Variants in DHX8 observed in about 807,000 individuals in gnomAD.
The protein encoded by DHX8 is ATP-dependent RNA helicase DHX8.
In DHX8, 67 loss-of-function variants were observed where a neutral mutation model predicts 140.7. The ratio of observed to expected loss-of-function variants is 0.48; its 90% CI spans 0.39 to 0.58. DHX8 has a LOEUF of 0.58. DHX8 is among the 20% of genes least tolerant of loss of function. DHX8 has a pLI of 0.00. For missense variants in DHX8, 887 were observed against 1,550.7 expected (o/e 0.57, Z 7.19); for synonymous variants, 533 against 553.2 (o/e 0.96, Z 0.51).
intron 22 of DHX8, 126 bp from the exon 23 acceptor site, chr17:43,523,502 A>G (rs1970490320): frequency 6.9e-7 from 1 of 1,444,984 alleles, no homozygotes; most frequent in Non-Finnish European, 9.3e-7. Flanking sequence ...CTGCAGTCTT[A>G]TAGGTGTCAG....
At chr17:43,511,117 G>T (rs1209508526) in intron 16 of DHX8, among the ~76,000 whole-genome samples, 1 of 152,118 alleles carries the variant, frequency 6.6e-6, no homozygotes, top group Non-Finnish European at 1.5e-5. Flanking sequence ...ATCACCTGAG[G>T]TCAGGAGTTC....
At chr17:43,537,103 C>T (rs888507927) in intron 3 of DHX8, among the ~76,000 whole-genome samples, 2 of 152,186 alleles carry the variant, frequency 1.3e-5, no homozygotes, top group Non-Finnish European at 2.9e-5. Flanking sequence ...TGGTGGCTCA[C>T]GCCTATAATC....
chr17:43,533,216 G>A (rs1317607842), intron 2 of DHX8: 2 of 1,613,336 alleles, frequency 1.2e-6, no homozygotes, highest in Non-Finnish European at 1.7e-6. Context: ...CATGGCCAGG[G>A]TGGGGCTGGG....
Position 43,513,405 on chromosome 17 carries a change from A to G in DHX8, c.2546A>G (p.Asp849Gly). The G allele has an allele frequency of 1.2e-6, 2 of 1,613,970 alleles. No individual in the cohort carries two copies. The highest frequency in any genetic ancestry group is 2.2e-5 in the South Asian group (2 of 91,046). The change falls in exon 17 of 23, where the codon GAT becomes GGT. Residue 849 changes from aspartate to glycine, a missense_variant. Around this residue, in one of 9 missense-constraint regions of DHX8, gnomAD observed 151 missense variants for 388.3 expected, o/e 0.39. Transcript: ENST00000262415. ...TNIAETSLTI[D>G]GIYYVVDPGF... is the part of the protein sequence containing the mutation. Reference sequence around the variant, plus strand: ...ATCGCAGAGACATCGCTGACTATTGATGGTATCTACTATGTGGTGGACCCA... The same window carrying G: ...ATCGCAGAGACATCGCTGACTATTGGTGGTATCTACTATGTGGTGGACCCA...
chr17:43,487,464 T>C (rs555244976), intron 1 of DHX8, among the ~76,000 whole-genome samples: 1 of 152,162 alleles, frequency 6.6e-6, no homozygotes, highest in South Asian at 2.1e-4. Context: ...AGGCTTATTA[T>C]CTCAGTCTAC....
intron 8 of DHX8, among the ~76,000 whole-genome samples, chr17:43,495,474 G>A (rs969768284): frequency 6.6e-6 from 1 of 152,018 alleles, no homozygotes; most frequent in Non-Finnish European, 1.5e-5. Flanking sequence ...AGACAGTCTT[G>A]CCGTGTTACC....
At chr17:43,533,020 G>C (rs1050036172) in intron 2 of DHX8, 184 of 1,516,072 alleles carry the variant, frequency 1.2e-4, no homozygotes, top group Non-Finnish European at 1.6e-4. Context: ...TAGGCTTTTA[G>C]AGTGGGCTCC....
chr17:43,524,095 G>C lies in DHX8; in HGVS notation c.*248G>C. 7.4e-7 allele frequency: 1 copy of C among 1,352,194 alleles called. No homozygotes were observed. The highest frequency in any genetic ancestry group is 9.5e-7 in the Non-Finnish European group (1 of 1,048,962). 83.8% of individuals were successfully genotyped at this position (1,352,194 alleles called of 1,614,324 possible). On this transcript the variant is annotated 3_prime_UTR_variant, in exon 23 of 23. Transcript: ENST00000262415. ...CAGTTGGGAGCTCATATCTAACACA[G>C]AGACACATTGCATCAACTTCAAGAA... is the stretch of plus-strand genomic sequence containing the variant.
intron 3 of DHX8, among the ~76,000 whole-genome samples, chr17:43,536,700 A>G (rs1354595822): frequency 6.6e-6 from 1 of 152,180 alleles, no homozygotes; most frequent in Non-Finnish European, 1.5e-5. Flanking sequence ...AACAAATCTC[A>G]TAATGTTTTA....
At chr17:43,506,024 T>G (rs2154586618) in intron 12 of DHX8, among the ~76,000 whole-genome samples, 1 of 152,038 alleles carries the variant, frequency 6.6e-6, no homozygotes, top group South Asian at 2.1e-4. Flanking sequence ...TGTATGTGTG[T>G]GTGACAGAGT....
intron 3 of DHX8, among the ~76,000 whole-genome samples, chr17:43,539,511 GA>G (rs1971411845): frequency 6.6e-6 from 1 of 152,170 alleles, no homozygotes; most frequent in Admixed American, 6.5e-5. Flanking sequence ...CCTCCACCAG[GA>G]AGTTAAGCTC....
intron 19 of DHX8, 109 bp downstream of exon 19, chr17:43,520,376 A>G: frequency 7.4e-7 from 1 of 1,353,958 alleles, no homozygotes. Context: ...AGCTTTGAGT[A>G]AAATTCTAAA....
At chr17:43,533,240 T>G in intron 2 of DHX8, 2 of 1,613,756 alleles carry the variant, frequency 1.2e-6, no homozygotes, top group Non-Finnish European at 1.7e-6. Context: ...TGCCAGAGGA[T>G]CTCAGGAAAT....
chr17:43,541,036 C>A (rs1189415132), intron 3 of DHX8, among the ~76,000 whole-genome samples: 3 of 152,146 alleles, frequency 2.0e-5, no homozygotes, highest in African/African-American at 7.2e-5. Context: ...CTTCCTGCCT[C>A]GGGCCTGACA....
rs746281840 is a variant in DHX8 at position 43,522,044 on chromosome 17, T to C, written c.3264-3T>C. ...GCTCATATCTTTTGTCCTATCTTGATAGACACAAGCTGGATGTTGTTTCCT... is the reference window on the plus strand; with the variant it reads ...GCTCATATCTTTTGTCCTATCTTGACAGACACAAGCTGGATGTTGTTTCCT... On this transcript the variant is annotated splice_polypyrimidine_tract_variant and splice_region_variant and intron_variant, in intron 21 of 22. Coordinates refer to ENST00000262415, the MANE Select transcript of DHX8 (RefSeq NM_004941.3). The C allele has an allele frequency of 1.2e-6, 2 of 1,613,690 alleles. No individual in the cohort carries two copies. The highest frequency in any genetic ancestry group is 2.2e-5 in the South Asian group (2 of 91,058).
intron 11 of DHX8, 57 bp from the exon 12 acceptor site, chr17:43,504,587 C>T: frequency 6.6e-7 from 1 of 1,511,398 alleles, no homozygotes; most frequent in Admixed American, 2.2e-5. Flanking sequence ...TATTTTTTTC[C>T]TGGTACATCT....
intron 18 of DHX8, chr17:43,519,586 A>G (rs1970274579): frequency 6.6e-6 from 1 of 152,066 alleles, no homozygotes; most frequent in African/African-American, 2.4e-5. Flanking sequence ...CCCGGACTCA[A>G]GCGATTCTCC....
intron 17 of DHX8, among the ~76,000 whole-genome samples, chr17:43,513,938 C>T (rs147420336): frequency 0.017 from 2,632 of 152,050 alleles, 79 homozygotes; most frequent in African/African-American, 0.059. Context: ...GTCTTGAACT[C>T]GCAACCTCAG....
chr17:43,492,854 G>A lies in DHX8; in HGVS notation c.677G>A (p.Ser226Asn), dbSNP rs777247620. The A allele has an allele frequency of 3.1e-6, 5 of 1,614,194 alleles. No individual in the cohort carries two copies. The highest frequency in any genetic ancestry group is 1.7e-5 in the Admixed American group (1 of 60,020). Reference sequence around the variant, plus strand: ...GTGAAGTCTAGATATCGGTCCAGGAGCAGGAGTCAGAGTCCCCCCAAAGAC... The same window carrying A: ...GTGAAGTCTAGATATCGGTCCAGGAACAGGAGTCAGAGTCCCCCCAAAGAC... ...NKVKSRYRSR[S>N]RSQSPPKDRK... Residue 226 changes from serine to asparagine, a missense_variant, in exon 6 of 23, where the codon AGC becomes AAC. Coordinates refer to ENST00000262415, the MANE Select transcript of DHX8 (RefSeq NM_004941.3).
Sources: allele counts gnomAD v4.1 joint callset (sites outside exome capture counted in the v4.1 genomes callset), GRCh38; gene constraint gnomAD v4.1.1; regional missense constraint gnomAD v4.1.1; transcripts MANE v1.5; gene names NCBI Gene and HGNC (gene_info 2026-07-23, HGNC 2026-07-21).